RTN1: variants seen among roughly 807,000 people sequenced by gnomAD.
The protein encoded by RTN1 is reticulon 1.
RTN1 carries 25 observed loss-of-function variants against 65.5 expected under a neutral mutation model. The ratio of observed to expected loss-of-function variants is 0.38; its 90% CI spans 0.28 to 0.53. The LOEUF (loss-of-function observed/expected upper bound fraction) is 0.53. Ranked by LOEUF, RTN1 falls within the 20% of genes least tolerant of loss-of-function variation. The pLI is 0.79. For missense variants in RTN1, 983 were observed against 1,025.4 expected (o/e 0.96, Z 0.57); for synonymous variants, 471 against 447.6 (o/e 1.05, Z -0.66).
At chr14:59,690,427 T>C (rs1883937611) in intron 3 of RTN1, among the ~76,000 whole-genome samples, 1 of 151,996 alleles carries the variant, frequency 6.6e-6, no homozygotes, top group Non-Finnish European at 1.5e-5. Context: ...GCACCCAACA[T>C]TGGAGCACCC....
At chr14:59,869,388 A>T (rs1330799717) in intron 1 of RTN1, among the ~76,000 whole-genome samples, 2 of 152,128 alleles carry the variant, frequency 1.3e-5, no homozygotes, top group East Asian at 1.9e-4. Flanking sequence ...TTCTCAGGAA[A>T]GAGCACCACA....
chr14:59,780,545 A>G (rs1566724726), intron 1 of RTN1, among the ~76,000 whole-genome samples: 1 of 152,310 alleles, frequency 6.6e-6, no homozygotes, highest in East Asian at 1.9e-4. Context: ...AAAAATATGG[A>G]GCATAATCAT....
intron 1 of RTN1, among the ~76,000 whole-genome samples, chr14:59,813,723 C>T (rs769548514): frequency 1.1e-4 from 16 of 152,016 alleles, no homozygotes; most frequent in Non-Finnish European, 1.5e-4. Flanking sequence ...AAAAAAGATT[C>T]TATATCAGTA....
At chr14:59,786,774 G>T (rs1347257075) in intron 1 of RTN1, among the ~76,000 whole-genome samples, 1 of 152,186 alleles carries the variant, frequency 6.6e-6, no homozygotes, top group Non-Finnish European at 1.5e-5. Flanking sequence ...TCTGGCCAAT[G>T]ATTTCACCTT....
intron 1 of RTN1, among the ~76,000 whole-genome samples, chr14:59,762,624 A>G (rs1240304006): frequency 6.6e-6 from 1 of 152,230 alleles, no homozygotes; most frequent in Non-Finnish European, 1.5e-5. Context: ...TCTTAAGCTA[A>G]ACTAGATGGA....
rs1250272228 is a variant in RTN1 at position 59,749,354 on chromosome 14, A to C, written c.242-2873T>G. ...TATATATATCTATATATATCTATAT[A>C]TATCTATATATATATCTATATATCT... On this transcript the variant is annotated intron_variant, in intron 1 of 8. Transcript: ENST00000267484. 4.0e-4 allele frequency among the ~76,000 whole-genome samples: 29 copies of C among 72,062 alleles called. 1 individual carries two copies. In the Admixed American group the frequency reaches 4.0e-3, roughly 10 times the overall value. 47.3% of individuals were successfully genotyped at this position (72,062 alleles called of 152,430 possible). A position where few individuals can be genotyped will look rare whatever the true frequency, so the allele number is the denominator to read the frequency against.
chr14:59,753,757 G>C (rs1040294048), intron 1 of RTN1, among the ~76,000 whole-genome samples: 1 of 152,200 alleles, frequency 6.6e-6, no homozygotes, highest in African/African-American at 2.4e-5. Context: ...GGACCTGAGA[G>C]AGCACAAGCC....
chr14:59,841,431 T>TATA (rs1887309578), intron 1 of RTN1, among the ~76,000 whole-genome samples: 1 of 152,118 alleles, frequency 6.6e-6, no homozygotes, highest in African/African-American at 2.4e-5. Context: ...TGTGGTGGCT[T>TATA]ACACCTATAA....
intron 2 of RTN1, among the ~76,000 whole-genome samples, chr14:59,741,176 G>C (rs1465034824): frequency 1.3e-5 from 2 of 152,006 alleles, no homozygotes; most frequent in Non-Finnish European, 2.9e-5. Context: ...CCCTCCTCCA[G>C]CCAAGCCGGC....
At chr14:59,664,637 A>G (rs1232129378) in intron 3 of RTN1, among the ~76,000 whole-genome samples, 1 of 152,178 alleles carries the variant, frequency 6.6e-6, no homozygotes. Context: ...TATTTTCTGT[A>G]TCATATGATG....
intron 3 of RTN1, among the ~76,000 whole-genome samples, chr14:59,620,613 A>G (rs767007724): frequency 5.9e-5 from 9 of 152,238 alleles, no homozygotes; most frequent in Admixed American, 1.3e-4. Flanking sequence ...TGGCTATTAG[A>G]AAATTTATAT....
At chr14:59,802,334 G>T (rs1246102538) in intron 1 of RTN1, among the ~76,000 whole-genome samples, 2 of 152,192 alleles carry the variant, frequency 1.3e-5, no homozygotes, top group Non-Finnish European at 2.9e-5. Context: ...TTAAGCCAAA[G>T]ACTTCCTGAA....
intron 1 of RTN1, among the ~76,000 whole-genome samples, chr14:59,749,978 TTATATATTATATACA>T (rs1354020561): frequency 2.3e-3 from 215 of 95,276 alleles, no homozygotes; most frequent in South Asian, 3.5e-3. Flanking sequence ...TATACATATA[TTATATATTATATACA>T]TATATATTAT....
In RTN1 at chr14:59,870,414, CG is replaced by C; in HGVS notation, c.216del (p.Val73LeufsTer84). 6.6e-7 allele frequency: 1 copy of C among 1,523,682 alleles called. No homozygotes were observed. Among genetic ancestry groups the C allele is most frequent in the Non-Finnish European group, 8.7e-7 (1 of 1,147,740 alleles). 94.4% of individuals were successfully genotyped at this position (1,523,682 alleles called of 1,614,324 possible). The stretch of plus-strand genomic sequence containing the variant: ...CCTGTGGATGCAGTTTCCATGGCAA[CG>C]GGCGACTGCCGGGCGGGGCCCGAGC... The part of the protein sequence containing the change: ...EAGSGPARQS[P>X]VAMETASTGV... On this transcript the variant is annotated frameshift_variant, in exon 1 of 9. Transcript: ENST00000267484. LOFTEE classifies it high-confidence loss of function. The surrounding 1 kb of genome is among the most constrained non-coding windows in gnomAD (Gnocchi z 5.1).
chr14:59,824,284 A>G (rs1886993014), intron 1 of RTN1, among the ~76,000 whole-genome samples: 1 of 152,200 alleles, frequency 6.6e-6, no homozygotes, highest in Non-Finnish European at 1.5e-5. Flanking sequence ...ATTTTCTCTC[A>G]TTCTACCATG....
rs138238384 is a variant in RTN1 at position 59,720,459 on chromosome 14, C to T, written c.1765+6460G>A. Among the ~76,000 whole-genome samples, 33 of 152,206 alleles carry T rather than the reference C, an allele frequency of 2.2e-4. No individual in the cohort carries two copies. The East Asian group carries it at 2.5e-3, about 12-fold the overall frequency. The stretch of plus-strand genomic sequence containing the variant: ...AAGGTGGGCTGGTTGCAGTGGCTCA[C>T]GCTAGTAATTCCAGCATTTTGAGAG... On this transcript the variant is annotated intron_variant, in intron 3 of 8. Coordinates refer to ENST00000267484, the MANE Select transcript of RTN1 (RefSeq NM_021136.3).
intron 3 of RTN1, among the ~76,000 whole-genome samples, chr14:59,696,901 A>C (rs1305191449): frequency 6.6e-6 from 1 of 152,178 alleles, no homozygotes; most frequent in Non-Finnish European, 1.5e-5. Context: ...GGGAAAAAAA[A>C]CAAGAATCAC....
chr14:59,855,321 C>T (rs1887585441), intron 1 of RTN1, among the ~76,000 whole-genome samples: 1 of 152,194 alleles, frequency 6.6e-6, no homozygotes, highest in African/African-American at 2.4e-5. Flanking sequence ...CCTCTTCACT[C>T]TGCTGTCGAG....
At chr14:59,750,868 C>T (rs1334358399) in intron 1 of RTN1, among the ~76,000 whole-genome samples, 1 of 148,140 alleles carries the variant, frequency 6.8e-6, no homozygotes, top group Non-Finnish European at 1.5e-5. Context: ...CATGCACCAG[C>T]ATGACTGGCT....
Sources: allele counts gnomAD v4.1 joint callset (sites outside exome capture counted in the v4.1 genomes callset), GRCh38; gene constraint gnomAD v4.1.1; non-coding constraint Gnocchi (gnomAD v3.1); transcripts MANE v1.5; gene names NCBI Gene and HGNC (gene_info 2026-07-23, HGNC 2026-07-21).